GORASP1: variants seen among roughly 807,000 people sequenced by gnomAD.
The protein encoded by GORASP1 is Golgi reassembly-stacking protein 1.
GORASP1 carries 31 observed loss-of-function variants against 37.7 expected under a neutral mutation model. The ratio of observed to expected loss-of-function variants is 0.82; its 90% CI spans 0.62 to 1.11. GORASP1 has a LOEUF of 1.11. GORASP1 is among the 50% of genes least tolerant of loss of function. The pLI is 0.00. For synonymous variants in GORASP1, 204 were observed against 224.8 expected, an observed-to-expected ratio of 0.91 and a Z score of 0.83; for missense variants, 476 against 560.7, an observed-to-expected ratio of 0.85 and a Z score of 1.53.
chr3:39,100,506 G>A lies in GORASP1; in HGVS notation c.567-3C>T. 6.4e-7 allele frequency: 1 copy of A among 1,555,666 alleles called. No individual in the cohort carries two copies. Among genetic ancestry groups the A allele is most frequent in the Non-Finnish European group, 8.7e-7 (1 of 1,151,984 alleles). The stretch of plus-strand genomic sequence containing the variant: ...CATAGCCAATGCCACATCCCAGACT[G>A]CCGAAGGCCAGAAACATTCAATCCA... On this transcript the variant is annotated splice_region_variant and splice_polypyrimidine_tract_variant and intron_variant, in intron 5 of 8. Transcript: ENST00000319283. This position sits in a 1 kb window ranked among gnomAD's most constrained non-coding sequence, Gnocchi z 4.6.
rs1239886574 is a variant in GORASP1 at position 39,103,077 on chromosome 3, C to A, written c.145-196G>T. 1 of 623,552 alleles carries A rather than the reference C, an allele frequency of 1.6e-6. No individual in the cohort carries two copies. The highest frequency in any genetic ancestry group is 2.9e-6 in the Non-Finnish European group (1 of 350,060). The allele number at this position is 623,552 out of a possible 1,614,324, so 38.6% of individuals were successfully genotyped here. A position where few individuals can be genotyped will look rare whatever the true frequency, so the allele number is the denominator to read the frequency against. On this transcript the variant is annotated intron_variant, in intron 2 of 8. Coordinates refer to ENST00000319283, the MANE Select transcript of GORASP1 (RefSeq NM_031899.4). This position sits in a 1 kb window ranked among gnomAD's most constrained non-coding sequence, Gnocchi z 5.2. ...AGCCTGCAGCCACTGGGACCCCCAC[C>A]TTCCCCAAGCACTGCCAAACCTTCC...
At position 39,100,289 on chromosome 3, in the gene GORASP1, G is replaced by C. The variant is rs779786354; in HGVS notation, c.765+16C>G. 12 of 1,612,196 alleles carry C rather than the reference G, an allele frequency of 7.4e-6. No homozygotes were observed. Among genetic ancestry groups the C allele is most frequent in the Non-Finnish European group, 9.3e-6 (11 of 1,178,316 alleles). ...GAGTTTTCTGTCTTCCCAGTTGGCAGATTCTCCCCACATACCTCCATGTAG... is the reference window on the plus strand; with the variant it reads ...GAGTTTTCTGTCTTCCCAGTTGGCACATTCTCCCCACATACCTCCATGTAG... On this transcript the variant is annotated intron_variant, in intron 6 of 8. Coordinates refer to ENST00000319283, the MANE Select transcript of GORASP1 (RefSeq NM_031899.4). This position sits in a 1 kb window ranked among gnomAD's most constrained non-coding sequence, Gnocchi z 4.6.
At position 39,099,429 on chromosome 3, in the gene GORASP1, T is replaced by C. The variant is rs1303868745; in HGVS notation, c.840A>G (p.Pro280=). ...PGPGSPSHSA[P]DPDGLPHFME... The stretch of plus-strand genomic sequence containing the variant: ...TGAAATGGGGAAGTCCATCAGGGTC[T>C]GGAGCACTGTGGCTGGGACTCCCAG... Residue 280 remains proline, a synonymous_variant, in exon 7 of 9, where the codon CCA becomes CCG. Coordinates refer to ENST00000319283, the MANE Select transcript of GORASP1 (RefSeq NM_031899.4). The C allele has an allele frequency of 1.2e-6, 2 of 1,612,412 alleles. No individual in the cohort carries two copies. The highest frequency in any genetic ancestry group is 2.7e-5 in the African/African-American group (2 of 74,888).
chr3:39,101,230 C>A, intron 3 of GORASP1, 128 bp from the exon 4 acceptor site: 1 of 776,900 alleles, frequency 1.3e-6, no homozygotes, highest in Non-Finnish European at 2.2e-6. Flanking sequence ...AGCAGGGCTT[C>A]AAGCCCATAC....
In GORASP1 at chr3:39,107,522, G is replaced by T. The variant is rs2036283428; in HGVS notation, c.20C>A (p.Ala7Asp). MGLGVS[A>D]EQPAGGAEGF... is the part of the protein sequence containing the mutation. Reference sequence around the variant, plus strand: ...CTCGGCGCCGCCTGCGGGCTGCTCAGCGCTGACGCCCAGGCCCATGGCAGC... The same window carrying T: ...CTCGGCGCCGCCTGCGGGCTGCTCATCGCTGACGCCCAGGCCCATGGCAGC... The change falls in exon 1 of 9, where the codon GCT becomes GAT. Residue 7 changes from alanine to aspartate, a missense_variant. By Grantham distance (126) the Ala-to-Asp change is moderately radical (BLOSUM62 -2). Transcript: ENST00000319283. 1 of 1,503,114 alleles carries T rather than the reference G, an allele frequency of 6.7e-7. No homozygotes were observed. The highest frequency in any genetic ancestry group is 2.7e-5 in the East Asian group (1 of 37,500). The allele number at this position is 1,503,114 out of a possible 1,614,324, so 93.1% of individuals were successfully genotyped here. A position where few individuals can be genotyped will look rare whatever the true frequency, so the allele number is the denominator to read the frequency against.
Position 39,100,783 on chromosome 3 carries a change from G to A in GORASP1, c.530C>T (p.Thr177Ile). The change falls in exon 5 of 9, where the codon ACT becomes ATT. Residue 177 changes from threonine (T) to isoleucine (I), a missense_variant. Transcript: ENST00000319283. This position sits in a 1 kb window ranked among gnomAD's most constrained non-coding sequence, Gnocchi z 4.6. The stretch of plus-strand genomic sequence containing the variant: ...ACCCCAGGCTGCGTTGGGAGTTACA[G>A]TCACCTCCCGGCAGGAGTCTGACTT... Reference protein sequence around the residue: ...NSKSDSCREVTVTPNAAWGGE... With the variant: ...NSKSDSCREVIVTPNAAWGGE... 1.9e-6 allele frequency: 3 copies of A among 1,614,084 alleles called. No homozygotes were observed. The South Asian group carries it at 3.3e-5, about 18-fold the overall frequency.
At position 39,103,591 on chromosome 3, in the gene GORASP1, C is replaced by T. The variant is rs183201351; in HGVS notation, c.64-38G>A. Reference sequence around the variant, plus strand: ...AAAGACCACAGTCACTGCGCCAACCCTGGGACTCTCCAAGTAGCCCTCTCC... The same window carrying T: ...AAAGACCACAGTCACTGCGCCAACCTTGGGACTCTCCAAGTAGCCCTCTCC... On this transcript the variant is annotated intron_variant, in intron 1 of 8. Transcript: ENST00000319283. This position sits in a 1 kb window ranked among gnomAD's most constrained non-coding sequence, Gnocchi z 5.2. The T allele has an allele frequency of 2.0e-5, 31 of 1,535,094 alleles. No individual in the cohort carries two copies. The highest frequency in any genetic ancestry group is 2.8e-5 in the Non-Finnish European group (31 of 1,122,738).
intron 1 of GORASP1, 121 bp downstream of exon 1, chr3:39,107,358 C>A (rs1238910090): frequency 1.6e-6 from 1 of 622,636 alleles, no homozygotes. Flanking sequence ...CCTCCCGCCA[C>A]CCAGGCGGAA....
Position 39,099,501 on chromosome 3 carries a change from G to A in GORASP1, c.768C>T (p.Ala256=). 6.2e-7 allele frequency: 1 copy of A among 1,609,050 alleles called. No individual in the cohort carries two copies. The highest frequency in any genetic ancestry group is 8.5e-7 in the Non-Finnish European group (1 of 1,177,998). ...TGGAGGAGCCAGGTGCCTGCAGCAG[G>A]GCCTAGGAAAGAAGAAGAAATGGGT... ...TGSRQSDYME[A]LLQAPGSSME... The change falls in exon 7 of 9, where the codon GCC becomes GCT. Residue 256 remains alanine (A), a splice_region_variant and synonymous_variant. Transcript: ENST00000319283.
Position 39,105,613 on chromosome 3 carries a change from G to A in GORASP1, c.63+1866C>T, listed in dbSNP as rs1403336538. On this transcript the variant is annotated intron_variant, in intron 1 of 8. Coordinates refer to ENST00000319283, the MANE Select transcript of GORASP1 (RefSeq NM_031899.4). This position sits in a 1 kb window ranked among gnomAD's most constrained non-coding sequence, Gnocchi z 5.4. The stretch of plus-strand genomic sequence containing the variant: ...TGCCACTACTCTAAGCTCGCTGAGG[G>A]CAGCGACTTCTCCAAAGTATTGGGC... Among the ~76,000 whole-genome samples, 1 of 152,158 alleles carries A rather than the reference G, an allele frequency of 6.6e-6. No homozygotes were observed. The highest frequency in any genetic ancestry group is 6.5e-5 in the Admixed American group (1 of 15,284).
chr3:39,103,920 C>G lies in GORASP1; in HGVS notation c.64-367G>C, dbSNP rs775297605. 1.3e-5 allele frequency among the ~76,000 whole-genome samples: 2 copies of G among 152,162 alleles called. No individual in the cohort carries two copies. Among genetic ancestry groups the G allele is most frequent in the Non-Finnish European group, 2.9e-5 (2 of 68,018 alleles). ...TGGCCGGAAAGCCAAAAGGGTTTAC[C>G]AGAAAGGTTTAGACTGGACCAGAAG... is the stretch of plus-strand genomic sequence containing the variant. On this transcript the variant is annotated intron_variant, in intron 1 of 8. Transcript: ENST00000319283. The surrounding 1 kb of genome is among the most constrained non-coding windows in gnomAD (Gnocchi z 5.2).
intron 3 of GORASP1, 149 bp from the exon 4 acceptor site, chr3:39,101,251 C>G: frequency 1.4e-6 from 1 of 697,186 alleles, no homozygotes. Flanking sequence ...TCCCTCATTT[C>G]ACCCCTCCAT....
chr3:39,103,869 G>T lies in GORASP1; in HGVS notation c.64-316C>A. ...CAGGCTGGCCCAGGCCTGTGGGAAT[G>T]CTGCTCTAGAGGGCTAGGCTAGGGT... On this transcript the variant is annotated intron_variant, in intron 1 of 8. Transcript: ENST00000319283. This position sits in a 1 kb window ranked among gnomAD's most constrained non-coding sequence, Gnocchi z 5.2. 3.3e-6 allele frequency: 1 copy of T among 304,100 alleles called. No homozygotes were observed. The highest frequency in any genetic ancestry group is 6.7e-5 in the East Asian group (1 of 14,964). 18.8% of individuals were successfully genotyped at this position (304,100 alleles called of 1,614,324 possible). A position where few individuals can be genotyped will look rare whatever the true frequency, so the allele number is the denominator to read the frequency against.
chr3:39,107,360 C>G (rs1575476183), intron 1 of GORASP1, 119 bp downstream of exon 1: 1 of 629,044 alleles, frequency 1.6e-6, no homozygotes. Flanking sequence ...TCCCGCCACC[C>G]AGGCGGAAAC....
In GORASP1 at chr3:39,102,995, G is replaced by C; in HGVS notation, c.145-114C>G. On this transcript the variant is annotated intron_variant, in intron 2 of 8. Coordinates refer to ENST00000319283, the MANE Select transcript of GORASP1 (RefSeq NM_031899.4). The surrounding 1 kb of genome is among the most constrained non-coding windows in gnomAD (Gnocchi z 5.0). ...CTTAGTGGGCAGCAGCCCTCAGCAG[G>C]GTCACTGTGGGGATGGGCCAAGGTA... 2.0e-6 allele frequency: 2 copies of C among 987,956 alleles called. No individual in the cohort carries two copies. Among genetic ancestry groups the C allele is most frequent in the Admixed American group, 3.5e-5 (2 of 57,650 alleles). 61.2% of individuals were successfully genotyped at this position (987,956 alleles called of 1,614,324 possible). A position where few individuals can be genotyped will look rare whatever the true frequency, so the allele number is the denominator to read the frequency against.
chr3:39,105,335 C>T lies in GORASP1; in HGVS notation c.64-1782G>A, dbSNP rs1460395919. Among the ~76,000 whole-genome samples, 1 of 152,094 alleles carries T rather than the reference C, an allele frequency of 6.6e-6. No individual in the cohort carries two copies. The highest frequency in any genetic ancestry group is 1.5e-5 in the Non-Finnish European group (1 of 68,018). ...AGTGCTGCTTTTCCTCATGCTCCCA[C>T]CCTATTTTTCCCAATCAGGGAACCT... is the stretch of plus-strand genomic sequence containing the variant. On this transcript the variant is annotated intron_variant, in intron 1 of 8. Coordinates refer to ENST00000319283, the MANE Select transcript of GORASP1 (RefSeq NM_031899.4). This position sits in a 1 kb window ranked among gnomAD's most constrained non-coding sequence, Gnocchi z 5.4.
Position 39,100,734 on chromosome 3 carries a change from C to T in GORASP1, c.566+13G>A. Reference sequence around the variant, plus strand: ...CCCACCTGGCCCTGCAGCCCTCCAACCCCACGAAGTACCTGCCCTCTCCAC... The same window carrying T: ...CCCACCTGGCCCTGCAGCCCTCCAATCCCACGAAGTACCTGCCCTCTCCAC... On this transcript the variant is annotated intron_variant, in intron 5 of 8. Transcript: ENST00000319283. The surrounding 1 kb of genome is among the most constrained non-coding windows in gnomAD (Gnocchi z 4.6). 1 of 1,612,784 alleles carries T rather than the reference C, an allele frequency of 6.2e-7. No individual in the cohort carries two copies. Among genetic ancestry groups the T allele is most frequent in the South Asian group, 1.1e-5 (1 of 91,014 alleles).
Position 39,100,161 on chromosome 3 carries a change from G to T in GORASP1, c.765+144C>A. On this transcript the variant is annotated intron_variant, in intron 6 of 8. Transcript: ENST00000319283. This position sits in a 1 kb window ranked among gnomAD's most constrained non-coding sequence, Gnocchi z 4.6. ...CCAAAAGTGAGTTTCACTGCTCCAG[G>T]CATGGCCTGCCTGCTCCCACTGGGT... The T allele has an allele frequency of 1.3e-6, 1 of 767,654 alleles. No homozygotes were observed. The highest frequency in any genetic ancestry group is 2.2e-6 in the Non-Finnish European group (1 of 447,128). 47.6% of individuals were successfully genotyped at this position (767,654 alleles called of 1,614,324 possible).
At position 39,100,683 on chromosome 3, in the gene GORASP1, G is replaced by C; in HGVS notation, c.566+64C>G. 6.3e-7 allele frequency: 1 copy of C among 1,588,598 alleles called. No individual in the cohort carries two copies. On this transcript the variant is annotated intron_variant, in intron 5 of 8. Transcript: ENST00000319283. This position sits in a 1 kb window ranked among gnomAD's most constrained non-coding sequence, Gnocchi z 4.6. ...CTCCATCTCCACCATAGAACTCTGA[G>C]GTCCATGCCCAATGGTCAGGCCCCA... is the stretch of plus-strand genomic sequence containing the variant.
Sources: gnomAD v4.1 joint callset for allele counts (sites outside exome capture counted in the v4.1 genomes callset) on GRCh38, gnomAD v4.1.1 for gene constraint, Gnocchi (gnomAD v3.1) non-coding constraint, MANE v1.5 for transcripts, NCBI Gene and HGNC (gene_info 2026-07-23, HGNC 2026-07-21) for gene names.